ACVR2A: variants seen among roughly 807,000 people sequenced by gnomAD.
The protein encoded by ACVR2A is activin receptor type-2A.
Under a neutral mutation model 61.4 loss-of-function variants are expected in ACVR2A, and 7 were observed. The observed-to-expected ratio is 0.11, with a 90% CI of 0.06 to 0.21. The LOEUF is 0.21. Ranked by LOEUF, ACVR2A falls within the 10% of genes least tolerant of loss-of-function variation. The pLI is 1.00. For missense variants in ACVR2A, 322 were observed against 621.7 expected, an observed-to-expected ratio of 0.52 and a Z score of 5.13; for synonymous variants, 193 against 208.3, an observed-to-expected ratio of 0.93 and a Z score of 0.63.
At chr2:147,926,652 A>G (rs1451972245) in intron 10 of ACVR2A, among the ~76,000 whole-genome samples, 5 of 151,924 alleles carry the variant, frequency 3.3e-5, no homozygotes, top group Non-Finnish European at 7.4e-5. Flanking sequence ...TTCAGTCTAA[A>G]TATAACTAGA....
chr2:147,875,642 T>C (rs1686135160), intron 1 of ACVR2A, among the ~76,000 whole-genome samples: 1 of 152,016 alleles, frequency 6.6e-6, no homozygotes, highest in South Asian at 2.1e-4. Flanking sequence ...CTGTTTCTTA[T>C]TACCTCCAGA....
chr2:147,922,949 CT>C (rs1373259416), intron 8 of ACVR2A, 23 bp from the exon 9 acceptor site: 2 of 1,595,102 alleles, frequency 1.3e-6, no homozygotes, highest in Admixed American at 3.6e-5. Flanking sequence ...AATGAGTACT[CT>C]TTGCTTTTAA....
chr2:147,844,777 G>A (rs752651879), upstream of ACVR2A: 174 of 165,990 alleles, frequency 1.0e-3, no homozygotes, highest in Non-Finnish European at 1.8e-3. Flanking sequence ...TGCCGCCGCC[G>A]CCTCTTCGTC....
intron 1 of ACVR2A, among the ~76,000 whole-genome samples, chr2:147,848,523 C>T (rs1478604684): frequency 6.6e-6 from 1 of 152,024 alleles, no homozygotes; most frequent in Non-Finnish European, 1.5e-5. Context: ...TTAGCTGGCT[C>T]AATATGTCAG....
At chr2:147,868,578 C>G (rs958413310) in intron 1 of ACVR2A, among the ~76,000 whole-genome samples, 2 of 151,646 alleles carry the variant, frequency 1.3e-5, no homozygotes, top group Non-Finnish European at 2.9e-5. Flanking sequence ...CCCTGCCCCC[C>G]CCAAGGTTTT....
At chr2:147,847,653 G>A (rs1685346191) in intron 1 of ACVR2A, among the ~76,000 whole-genome samples, 1 of 152,092 alleles carries the variant, frequency 6.6e-6, no homozygotes, top group Non-Finnish European at 1.5e-5. Context: ...GACTATTCCT[G>A]TAGGATATGG....
At chr2:147,921,194 C>A (rs1359404763) in intron 8 of ACVR2A, among the ~76,000 whole-genome samples, 1 of 152,014 alleles carries the variant, frequency 6.6e-6, no homozygotes, top group African/African-American at 2.4e-5. Context: ...CCACCATGCC[C>A]AGCCTAATGT....
At chr2:147,892,927 G>A (rs1686623476) in intron 1 of ACVR2A, among the ~76,000 whole-genome samples, 1 of 151,550 alleles carries the variant, frequency 6.6e-6, no homozygotes, top group South Asian at 2.1e-4. Context: ...AGAATAAAAT[G>A]TGCTTTTTTA....
intron 1 of ACVR2A, among the ~76,000 whole-genome samples, chr2:147,856,327 A>G (rs1343353785): frequency 1.3e-5 from 2 of 152,230 alleles, no homozygotes; most frequent in African/African-American, 2.4e-5. Context: ...AATTTAAAAA[A>G]TATAATGGTG....
intron 1 of ACVR2A, among the ~76,000 whole-genome samples, chr2:147,846,301 T>C (rs1685312729): frequency 6.6e-6 from 1 of 150,960 alleles, no homozygotes; most frequent in Non-Finnish European, 1.5e-5. Flanking sequence ...GGGGGCGAAT[T>C]GACAGGTTTC....
chr2:147,924,744 A>ATG (rs1687463260), intron 9 of ACVR2A, among the ~76,000 whole-genome samples: 1 of 151,868 alleles, frequency 6.6e-6, no homozygotes, highest in African/African-American at 2.4e-5. Context: ...TCAAACTTTA[A>ATG]TGTGTCATAC....
chr2:147,871,861 ATTCTC>A (rs1423178801), intron 1 of ACVR2A, among the ~76,000 whole-genome samples: 1 of 151,982 alleles, frequency 6.6e-6, no homozygotes, highest in Non-Finnish European at 1.5e-5. Context: ...TTTTCTGCTC[ATTCTC>A]TTCTCTTGTT....
chr2:147,877,921 A>G (rs1366800191), intron 1 of ACVR2A, among the ~76,000 whole-genome samples: 2 of 152,178 alleles, frequency 1.3e-5, no homozygotes, highest in Admixed American at 6.5e-5. Flanking sequence ...TTTAAACTTT[A>G]CATTTATCAT....
In ACVR2A at chr2:147,930,457, A is replaced by T. The variant is rs1687653705; in HGVS notation, c.*3183A>T. ...TTACTTTTTAGGAACATTTGGTATG[A>T]TATGCATAAAATTATTTATCCATTT... On this transcript the variant is annotated 3_prime_UTR_variant, in exon 11 of 11. Coordinates refer to ENST00000241416, the MANE Select transcript of ACVR2A (RefSeq NM_001616.5). The T allele has an allele frequency of 6.6e-6, 1 of 151,280 alleles. No individual in the cohort carries two copies. Among genetic ancestry groups the T allele is most frequent in the South Asian group, 2.1e-4 (1 of 4,806 alleles). 9.4% of individuals were successfully genotyped at this position (151,280 alleles called of 1,614,324 possible).
chr2:147,910,161 G>C (rs945745448), intron 4 of ACVR2A, among the ~76,000 whole-genome samples: 2 of 151,882 alleles, frequency 1.3e-5, no homozygotes, highest in Admixed American at 1.3e-4. Flanking sequence ...ATATTTTGAG[G>C]CTTGTTCTTG....
At chr2:147,913,824 A>C (rs1687182687) in intron 4 of ACVR2A, among the ~76,000 whole-genome samples, 2 of 9,860 alleles carry the variant, frequency 2.0e-4, no homozygotes, top group Non-Finnish European at 8.7e-4. Context: ...CTTGTAGACA[A>C]AAAAAAAAAA....
chr2:147,847,596 T>C (rs898963099), intron 1 of ACVR2A, among the ~76,000 whole-genome samples: 1 of 152,208 alleles, frequency 6.6e-6, no homozygotes, highest in Admixed American at 6.5e-5. Context: ...GGACTCTGAT[T>C]TTTCAGTTTC....
intron 1 of ACVR2A, among the ~76,000 whole-genome samples, 154 bp from the exon 2 acceptor site, chr2:147,896,147 T>A (rs559380796): frequency 6.6e-6 from 1 of 152,314 alleles, no homozygotes; most frequent in South Asian, 2.1e-4. Context: ...ATATTTAAAG[T>A]ACAGGGATTA....
intron 4 of ACVR2A, 40 bp downstream of exon 4, chr2:147,899,938 A>T: frequency 6.3e-7 from 1 of 1,586,066 alleles, no homozygotes; most frequent in Non-Finnish European, 8.6e-7. Flanking sequence ...TTTAAATTGT[A>T]TATTTTTGAG....
Sources: gnomAD v4.1 joint callset for allele counts (sites outside exome capture counted in the v4.1 genomes callset) on GRCh38, gnomAD v4.1.1 for gene constraint, MANE v1.5 for transcripts, NCBI Gene and HGNC (gene_info 2026-07-23, HGNC 2026-07-21) for gene names.